The following GALNT13 variants were observed in gnomAD, a reference collection of about 807,000 sequenced individuals.
GALNT13 encodes the protein polypeptide N-acetylgalactosaminyltransferase 13.
GALNT13 carries 28 observed loss-of-function variants against 64.2 expected under a neutral mutation model. The observed-to-expected ratio is 0.44, with a 90% CI of 0.32 to 0.60. The LOEUF (loss-of-function observed/expected upper bound fraction) is 0.60. GALNT13 is among the 20% of genes least tolerant of loss of function. The pLI, the probability that GALNT13 is intolerant of heterozygous loss-of-function variation, is 0.05. For missense variants in GALNT13, 577 were observed against 669.8 expected (o/e 0.86, Z 1.53); for synonymous variants, 214 against 224.6 (o/e 0.95, Z 0.42).
chr2:153,572,276 A>G, the GALNT13 span, among the ~76,000 whole-genome samples: 1 of 151,668 alleles, frequency 6.6e-6, no homozygotes, highest in Non-Finnish European at 1.5e-5. Flanking sequence ...TATCTGTGAT[A>G]TCAGTTGCAA....
the GALNT13 span, among the ~76,000 whole-genome samples, chr2:153,540,298 A>G: frequency 1.3e-5 from 2 of 152,248 alleles, no homozygotes; most frequent in Non-Finnish European, 2.9e-5. Flanking sequence ...TTGGTCCTGC[A>G]GGTGCATAGA....
chr2:153,437,980 T>C, the GALNT13 span, among the ~76,000 whole-genome samples: 1 of 152,252 alleles, frequency 6.6e-6, no homozygotes, highest in Admixed American at 6.5e-5. Context: ...TTCCTTTCCA[T>C]GTTTAGTGCT....
At chr2:154,102,704 C>CA (rs1162168930) in intron 3 of GALNT13, among the ~76,000 whole-genome samples, 8 of 151,218 alleles carry the variant, frequency 5.3e-5, no homozygotes, top group East Asian at 1.9e-4. Context: ...ATTGATTTAA[C>CA]AAAAAAAAAT....
chr2:154,091,355 C>A (rs555197041), intron 3 of GALNT13, among the ~76,000 whole-genome samples: 17 of 151,754 alleles, frequency 1.1e-4, no homozygotes, highest in Non-Finnish European at 2.2e-4. Context: ...AGACAAAGAG[C>A]ATTTTTATTA....
At chr2:153,129,199 T>C in the GALNT13 span, among the ~76,000 whole-genome samples, 12 of 152,286 alleles carry the variant, frequency 7.9e-5, no homozygotes, top group East Asian at 1.9e-3. Flanking sequence ...TCTACTTATA[T>C]GTATGTATAG....
At chr2:153,206,515 G>A in the GALNT13 span, among the ~76,000 whole-genome samples, 2 of 152,008 alleles carry the variant, frequency 1.3e-5, no homozygotes, top group African/African-American at 4.8e-5. Context: ...GATATTCATA[G>A]TGCTGGAGTA....
chr2:154,072,508 T>A (rs1049736149), intron 3 of GALNT13, among the ~76,000 whole-genome samples: 1 of 152,074 alleles, frequency 6.6e-6, no homozygotes, highest in Non-Finnish European at 1.5e-5. Flanking sequence ...AAGATTTGGC[T>A]CAAAACATCA....
chr2:154,440,116 G>T (rs1701210196), intron 12 of GALNT13, among the ~76,000 whole-genome samples: 1 of 152,190 alleles, frequency 6.6e-6, no homozygotes, highest in Non-Finnish European at 1.5e-5. Flanking sequence ...AGTGATATTT[G>T]TTTTTAAATA....
chr2:154,346,839 C>A (rs895540726), intron 9 of GALNT13, among the ~76,000 whole-genome samples: 14 of 152,020 alleles, frequency 9.2e-5, no homozygotes, highest in Non-Finnish European at 2.1e-4. Flanking sequence ...AGATTCTCTC[C>A]TAGACCCTGG....
At chr2:153,500,848 C>G in the GALNT13 span, among the ~76,000 whole-genome samples, 1 of 151,912 alleles carries the variant, frequency 6.6e-6, no homozygotes, top group African/African-American at 2.4e-5. Flanking sequence ...ACATAATAAC[C>G]CTAGTTATGA....
At chr2:153,990,061 G>A (rs1056590023) in intron 3 of GALNT13, among the ~76,000 whole-genome samples, 1 of 152,040 alleles carries the variant, frequency 6.6e-6, no homozygotes. Context: ...AGCATTTATT[G>A]GAGGCAGCTT....
intron 3 of GALNT13, among the ~76,000 whole-genome samples, chr2:154,035,685 G>C (rs1471257376): frequency 3.9e-5 from 6 of 151,956 alleles, no homozygotes; most frequent in Non-Finnish European, 5.9e-5. Flanking sequence ...GAACATAGTA[G>C]ACCTCTGATT....
At chr2:153,464,978 C>A in the GALNT13 span, among the ~76,000 whole-genome samples, 1 of 152,038 alleles carries the variant, frequency 6.6e-6, no homozygotes, top group Non-Finnish European at 1.5e-5. Flanking sequence ...ACATAGGCAA[C>A]ACAGTAGTAT....
the GALNT13 span, among the ~76,000 whole-genome samples, chr2:153,160,667 A>G: frequency 6.6e-6 from 1 of 152,228 alleles, no homozygotes. Context: ...CAGCCATTTC[A>G]AAGGTAGACA....
At chr2:154,282,299 A>G (rs1435944755) in intron 8 of GALNT13, among the ~76,000 whole-genome samples, 1 of 152,146 alleles carries the variant, frequency 6.6e-6, no homozygotes, top group Non-Finnish European at 1.5e-5. Context: ...ATTGCCTCAT[A>G]ATAAGTTTTA....
chr2:154,392,329 A>G (rs1156755448), intron 9 of GALNT13, among the ~76,000 whole-genome samples: 2 of 152,152 alleles, frequency 1.3e-5, no homozygotes, highest in Non-Finnish European at 2.9e-5. Flanking sequence ...GTAACCATGT[A>G]TGGGAAACTA....
At chr2:153,856,650 A>G in the GALNT13 span, among the ~76,000 whole-genome samples, 1 of 152,320 alleles carries the variant, frequency 6.6e-6, no homozygotes, top group African/African-American at 2.4e-5. Context: ...TGGAGAAACT[A>G]GAATTTCCAT....
chr2:153,224,788 T>C, the GALNT13 span, among the ~76,000 whole-genome samples: 1 of 152,210 alleles, frequency 6.6e-6, no homozygotes, highest in African/African-American at 2.4e-5. Flanking sequence ...AAACTACTGA[T>C]ATTTATAAAA....
At chr2:153,466,721 T>C in the GALNT13 span, among the ~76,000 whole-genome samples, 6 of 152,072 alleles carry the variant, frequency 3.9e-5, no homozygotes, top group African/African-American at 1.4e-4. Context: ...TTTTTCTCAT[T>C]CTGTACTTGG....
Sources: allele counts gnomAD v4.1 joint callset (sites outside exome capture counted in the v4.1 genomes callset), GRCh38; gene constraint gnomAD v4.1.1; transcripts MANE v1.5; gene names NCBI Gene and HGNC (gene_info 2026-07-23, HGNC 2026-07-21).